The following TCF4 variants were observed in gnomAD, a reference collection of about 807,000 sequenced individuals.
The protein encoded by TCF4 is transcription factor 4.
A neutral mutation model predicts 82.1 loss-of-function variants in TCF4; 3 were observed. That is an observed-to-expected ratio of 0.04 (90% CI 0.02 to 0.09). TCF4 has a LOEUF of 0.09. TCF4 is among the 10% of genes least tolerant of loss of function. TCF4 has a pLI of 1.00. For missense variants in TCF4, 518 were observed against 852.7 expected, an observed-to-expected ratio of 0.61 and a Z score of 4.89; for synonymous variants, 276 against 309.6, an observed-to-expected ratio of 0.89 and a Z score of 1.14.
intron 3 of TCF4, among the ~76,000 whole-genome samples, chr18:55,560,029 G>C (rs891303676): frequency 1.3e-5 from 2 of 152,158 alleles, no homozygotes; most frequent in African/African-American, 4.8e-5. Context: ...TTTCCCCACT[G>C]AATATTAGAA....
chr18:55,359,253 C>T (rs1355417832), intron 6 of TCF4, among the ~76,000 whole-genome samples: 1 of 152,182 alleles, frequency 6.6e-6, no homozygotes, highest in Non-Finnish European at 1.5e-5. Context: ...TGGGGTCAAT[C>T]ATCTTCTCTA....
intron 15 of TCF4, among the ~76,000 whole-genome samples, chr18:55,240,709 A>T (rs966180316): frequency 6.6e-6 from 1 of 152,166 alleles, no homozygotes; most frequent in Non-Finnish European, 1.5e-5. Context: ...GAAAGAGCTA[A>T]CATCTGGGAC....
At chr18:55,586,540 T>C (rs1020739409) in intron 2 of TCF4, among the ~76,000 whole-genome samples, 8 of 152,178 alleles carry the variant, frequency 5.3e-5, no homozygotes, top group African/African-American at 1.9e-4. Flanking sequence ...GTTTTAAGAA[T>C]CCTAGGAAAA....
chr18:55,567,333 T>C (rs550248568), intron 3 of TCF4, among the ~76,000 whole-genome samples: 138 of 152,318 alleles, frequency 9.1e-4, no homozygotes, highest in African/African-American at 3.2e-3. Flanking sequence ...TTTCAATATG[T>C]ATAAAGTCAA....
intron 3 of TCF4, among the ~76,000 whole-genome samples, chr18:55,520,859 G>C (rs916295285): frequency 6.6e-6 from 1 of 152,160 alleles, no homozygotes; most frequent in African/African-American, 2.4e-5. Flanking sequence ...TATGTAGAAA[G>C]ATTTCACTGT....
chr18:55,489,523 C>T (rs956374160), intron 3 of TCF4, among the ~76,000 whole-genome samples: 2 of 152,120 alleles, frequency 1.3e-5, no homozygotes, highest in South Asian at 4.2e-4. Flanking sequence ...ACCAAGAACT[C>T]CAGAGAACCG....
chr18:55,386,626 A>G (rs1373605184), intron 6 of TCF4, among the ~76,000 whole-genome samples: 1 of 152,234 alleles, frequency 6.6e-6, no homozygotes, highest in African/African-American at 2.4e-5. Flanking sequence ...ACAATACAGG[A>G]GCATATCAAG....
intron 3 of TCF4, chr18:55,495,614 AG>A (rs1393225411): frequency 6.6e-6 from 1 of 152,202 alleles, no homozygotes; most frequent in Non-Finnish European, 1.5e-5. Context: ...CAATGTTTTT[AG>A]GAACAACCAA....
In TCF4 at chr18:55,224,164, C is replaced by CTTTTT. The variant is rs66807288; in HGVS notation, c.*3866_*3870dup. On this transcript the variant is annotated 3_prime_UTR_variant, in exon 20 of 20. Coordinates refer to ENST00000354452, the MANE Select transcript of TCF4 (RefSeq NM_001083962.2). Reference sequence around the variant, plus strand: ...GGCACTGATACATGGTAAATCTCTGCTTTTTTTTTTTTTTTCTTATCTTCA... The same window carrying CTTTTT: ...GGCACTGATACATGGTAAATCTCTGCTTTTTTTTTTTTTTTTTTTTCTTATCTTCA... 1 of 140,538 alleles carries CTTTTT rather than the reference C, an allele frequency of 7.1e-6. No individual in the cohort carries two copies. Among genetic ancestry groups the CTTTTT allele is most frequent in the Non-Finnish European group, 1.6e-5 (1 of 64,510 alleles). The allele number at this position is 140,538 out of a possible 1,614,324, so 8.7% of individuals were successfully genotyped here.
chr18:55,425,268 G>T (rs555370665), intron 5 of TCF4, among the ~76,000 whole-genome samples: 1 of 152,074 alleles, frequency 6.6e-6, no homozygotes, highest in Admixed American at 6.5e-5. Context: ...TCGTTGAAAT[G>T]AAAGCTTTGT....
At chr18:55,589,231 G>C (rs994429589), upstream of TCF4, 1 of 1,024,114 alleles carries the variant, frequency 9.8e-7, no homozygotes, top group Non-Finnish European at 1.2e-6. Context: ...AAAACATCGG[G>C]ATCGACATTT....
intron 3 of TCF4, among the ~76,000 whole-genome samples, chr18:55,491,352 C>T (rs757817176): frequency 3.3e-5 from 5 of 152,134 alleles, no homozygotes; most frequent in Admixed American, 2.6e-4. Flanking sequence ...GCAAAGGATA[C>T]ACACACAGCA....
chr18:55,257,299 A>G lies in TCF4; in HGVS notation c.1146+16T>C. 6.2e-7 allele frequency: 1 copy of G among 1,612,144 alleles called. No individual in the cohort carries two copies. Among genetic ancestry groups the G allele is most frequent in the Non-Finnish European group, 8.5e-7 (1 of 1,178,330 alleles). ...CCTGAAAATGGGTGGGACAGAGATT[A>G]GCAAATGAGACATACCAAAGAGTGT... On this transcript the variant is annotated intron_variant, in intron 14 of 19. Transcript: ENST00000354452.
intron 6 of TCF4, among the ~76,000 whole-genome samples, chr18:55,399,874 TCTCTCTCA>T (rs1456981471): frequency 1.7e-3 from 226 of 130,114 alleles, no homozygotes; most frequent in East Asian, 2.9e-3. Flanking sequence ...TCTCTCTCTC[TCTCTCTCA>T]CACACACACA....
At chr18:55,531,076 C>T (rs2097057962) in intron 3 of TCF4, among the ~76,000 whole-genome samples, 1 of 151,956 alleles carries the variant, frequency 6.6e-6, no homozygotes, top group Non-Finnish European at 1.5e-5. Flanking sequence ...CTCAGCCTCT[C>T]GAGTAGCTGG....
intron 3 of TCF4, among the ~76,000 whole-genome samples, chr18:55,464,625 G>C (rs1334737258): frequency 6.6e-6 from 1 of 152,168 alleles, no homozygotes; most frequent in Non-Finnish European, 1.5e-5. Flanking sequence ...ATGAGACTGA[G>C]AAAGTATTCA....
intron 6 of TCF4, among the ~76,000 whole-genome samples, chr18:55,377,036 C>T (rs2090930455): frequency 6.6e-6 from 1 of 152,152 alleles, no homozygotes. Context: ...ACACTGTAAA[C>T]CAGGGCCCCA....
intron 15 of TCF4, among the ~76,000 whole-genome samples, chr18:55,238,468 T>C (rs1274593764): frequency 2.0e-5 from 3 of 152,218 alleles, no homozygotes; most frequent in Non-Finnish European, 4.4e-5. Flanking sequence ...GAATGAGAAA[T>C]AACTCAGATG....
Position 55,429,764 on chromosome 18 carries a change from CAAAAAAAAAAAAA to C in TCF4, c.305-26259_305-26247del, listed in dbSNP as rs35255242. On this transcript the variant is annotated intron_variant, in intron 5 of 19. Transcript: ENST00000354452. ...TGGGGGACAGAGCAAGACTCCATCT[CAAAAAAAAAAAAA>C]AAAAAAAAAAAACAATTTGGTCAGT... Among the ~76,000 whole-genome samples, 4 of 57,172 alleles carry C rather than the reference CAAAAAAAAAAAAA, an allele frequency of 7.0e-5. No individual in the cohort carries two copies. In the Admixed American group the frequency reaches 9.5e-4, roughly 14 times the overall value. 37.5% of individuals were successfully genotyped at this position (57,172 alleles called of 152,430 possible).
Sources: gnomAD v4.1 joint callset for allele counts (sites outside exome capture counted in the v4.1 genomes callset) on GRCh38, gnomAD v4.1.1 for gene constraint, MANE v1.5 for transcripts, NCBI Gene and HGNC (gene_info 2026-07-23, HGNC 2026-07-21) for gene names.